PPM1L: variants seen among roughly 807,000 people sequenced by gnomAD.
The protein encoded by PPM1L is protein phosphatase, Mg2+/Mn2+ dependent 1L.
A neutral mutation model predicts 31.4 loss-of-function variants in PPM1L; 13 were observed. The ratio of observed to expected loss-of-function variants is 0.41; its 90% CI spans 0.27 to 0.66. The LOEUF (loss-of-function observed/expected upper bound fraction) is 0.66. PPM1L is among the 30% of genes least tolerant of loss of function. PPM1L has a pLI of 0.29. For missense variants in PPM1L, 326 were observed against 453.7 expected, an observed-to-expected ratio of 0.72 and a Z score of 2.56; for synonymous variants, 184 against 175.4, an observed-to-expected ratio of 1.05 and a Z score of -0.39.
chr3:160,829,353 G>A (rs1713449239), intron 1 of PPM1L, among the ~76,000 whole-genome samples: 1 of 152,062 alleles, frequency 6.6e-6, no homozygotes, highest in Admixed American at 6.6e-5. Context: ...AGCACAACTG[G>A]CATATACCTA....
intron 1 of PPM1L, among the ~76,000 whole-genome samples, chr3:160,780,459 A>G (rs1711708655): frequency 6.6e-6 from 1 of 152,188 alleles, no homozygotes; most frequent in Admixed American, 6.5e-5. Flanking sequence ...ATCCTTATTC[A>G]GAAATGTGCT....
intron 1 of PPM1L, among the ~76,000 whole-genome samples, chr3:160,824,796 A>T (rs1316077586): frequency 2.0e-5 from 3 of 152,016 alleles, no homozygotes. Context: ...TATGAGACTA[A>T]TTTTTTTTAA....
At chr3:161,050,015 C>A (rs1373014503) in intron 2 of PPM1L, among the ~76,000 whole-genome samples, 1 of 152,176 alleles carries the variant, frequency 6.6e-6, no homozygotes, top group Non-Finnish European at 1.5e-5. Flanking sequence ...CTTGTCCCTT[C>A]CTGGGCAAAA....
At position 160,756,253 on chromosome 3, in the gene PPM1L, C is replaced by A; in HGVS notation, c.-56C>A. 3 of 1,557,198 alleles carry A rather than the reference C, an allele frequency of 1.9e-6. No individual in the cohort carries two copies. Among genetic ancestry groups the A allele is most frequent in the South Asian group, 2.4e-5 (2 of 81,796 alleles). On this transcript the variant is annotated 5_prime_UTR_variant, in exon 1 of 4. Transcript: ENST00000498165. The surrounding 1 kb of genome is among the most constrained non-coding windows in gnomAD (Gnocchi z 6.2). ...GCTGTCCCCGCAGTGCTCCCGGACC[C>A]GGCGAGCCTTCGGGGCGCGCGTCGC...
intron 1 of PPM1L, among the ~76,000 whole-genome samples, chr3:160,897,042 C>CTTTTTTTTTTTTTTT (rs11298068): frequency 9.3e-6 from 1 of 107,440 alleles, no homozygotes; most frequent in African/African-American, 3.4e-5. Context: ...ACTACTGACT[C>CTTTTTTTTTTTTTTT]TTTTTTTTTT....
At chr3:161,038,585 TAAAAAAAAAAAAAA>T (rs35502476) in intron 2 of PPM1L, among the ~76,000 whole-genome samples, 4 of 110,584 alleles carry the variant, frequency 3.6e-5, no homozygotes, top group African/African-American at 6.2e-5. Context: ...GGATTTGTTT[TAAAAAAAAAAAAAA>T]AAAAAAAAAA....
chr3:161,071,013 A>C lies in PPM1L; in HGVS notation c.*1856A>C, dbSNP rs1719899902. Reference sequence around the variant, plus strand: ...TTTTTAGCCATAGAATCTTCTAGTAAAAAATATCTGCCACCATTTTAGATT... The same window carrying C: ...TTTTTAGCCATAGAATCTTCTAGTACAAAATATCTGCCACCATTTTAGATT... On this transcript the variant is annotated 3_prime_UTR_variant, in exon 4 of 4. Transcript: ENST00000498165. 1 of 152,238 alleles carries C rather than the reference A, an allele frequency of 6.6e-6. No homozygotes were observed. The highest frequency in any genetic ancestry group is 2.4e-5 in the African/African-American group (1 of 41,456). 9.4% of individuals were successfully genotyped at this position (152,238 alleles called of 1,614,324 possible).
intron 1 of PPM1L, among the ~76,000 whole-genome samples, chr3:160,801,581 T>C (rs1266366401): frequency 6.6e-6 from 1 of 152,224 alleles, no homozygotes; most frequent in Non-Finnish European, 1.5e-5. Flanking sequence ...CTTGTGCTGA[T>C]GTGATGAAAC....
intron 2 of PPM1L, among the ~76,000 whole-genome samples, chr3:160,999,735 C>CA (rs1390346526): frequency 6.6e-6 from 1 of 152,198 alleles, no homozygotes; most frequent in African/African-American, 2.4e-5. Context: ...TTTACAATGC[C>CA]AGTATCTCAG....
At chr3:160,883,732 G>C (rs1712811169) in intron 1 of PPM1L, among the ~76,000 whole-genome samples, 1 of 151,866 alleles carries the variant, frequency 6.6e-6, no homozygotes. Flanking sequence ...CCTGGGCTTT[G>C]GGGCTAGGCA....
chr3:160,826,218 T>C (rs1479963862), intron 1 of PPM1L, among the ~76,000 whole-genome samples: 1 of 152,132 alleles, frequency 6.6e-6, no homozygotes, highest in Non-Finnish European at 1.5e-5. Context: ...ATGGGAAGGC[T>C]TTCATGATAG....
At position 161,003,656 on chromosome 3, in the gene PPM1L, AT is replaced by A. The variant is rs1576775374; in HGVS notation, c.574+41747del. On this transcript the variant is annotated intron_variant, in intron 2 of 3. Coordinates refer to ENST00000498165, the MANE Select transcript of PPM1L (RefSeq NM_139245.4). ...TTCTCTGTTTGTCTGTTGTTGGTGT[AT>A]AAGAAGGCTTGTGATTTTTGTACAT... is the stretch of plus-strand genomic sequence containing the variant. Among the ~76,000 whole-genome samples the A allele has an allele frequency of 5.3e-5, 8 of 152,288 alleles. 1 individual carries two copies. The highest frequency in any genetic ancestry group is 1.2e-4 in the African/African-American group (5 of 41,554).
At chr3:160,948,288 T>C (rs780035799) in intron 1 of PPM1L, among the ~76,000 whole-genome samples, 40 of 151,944 alleles carry the variant, frequency 2.6e-4, no homozygotes, top group Non-Finnish European at 4.6e-4. Context: ...GCTGAAACTA[T>C]AGCTTTTCCA....
chr3:160,834,827 A>G (rs1576660959), intron 1 of PPM1L, among the ~76,000 whole-genome samples: 1 of 152,066 alleles, frequency 6.6e-6, no homozygotes, highest in Non-Finnish European at 1.5e-5. Flanking sequence ...TTAACCATTC[A>G]CCTATTGAGT....
intron 1 of PPM1L, among the ~76,000 whole-genome samples, chr3:160,798,210 C>T (rs558689306): frequency 1.3e-5 from 2 of 152,018 alleles, no homozygotes; most frequent in Non-Finnish European, 2.9e-5. Flanking sequence ...ACAAAAATGC[C>T]AGGTGAAGCA....
chr3:160,810,495 C>G (rs930054486), intron 1 of PPM1L, among the ~76,000 whole-genome samples: 1 of 152,160 alleles, frequency 6.6e-6, no homozygotes, highest in African/African-American at 2.4e-5. Flanking sequence ...TTAAATTGGT[C>G]CCTGGTGGCC....
intron 1 of PPM1L, among the ~76,000 whole-genome samples, chr3:160,903,104 A>C (rs147379785): frequency 6.6e-6 from 1 of 150,942 alleles, no homozygotes; most frequent in East Asian, 2.0e-4. Flanking sequence ...ATCATTGCCC[A>C]AGGTTAGGTG....
chr3:160,920,666 C>T (rs905947088), intron 1 of PPM1L, among the ~76,000 whole-genome samples: 1 of 119,112 alleles, frequency 8.4e-6, no homozygotes, highest in African/African-American at 2.8e-5. Context: ...CACACACACA[C>T]ATATTAAAGA....
chr3:160,957,577 CTT>C (rs35644904), intron 1 of PPM1L, among the ~76,000 whole-genome samples: 5 of 129,192 alleles, frequency 3.9e-5, no homozygotes, highest in African/African-American at 8.5e-5. Context: ...TATTATTTGA[CTT>C]TTTTTTTTTT....
Sources: gnomAD v4.1 joint callset for allele counts (sites outside exome capture counted in the v4.1 genomes callset) on GRCh38, gnomAD v4.1.1 for gene constraint, Gnocchi (gnomAD v3.1) non-coding constraint, MANE v1.5 for transcripts, NCBI Gene and HGNC (gene_info 2026-07-23, HGNC 2026-07-21) for gene names.